Variants in PLEKHA7 observed in about 807,000 individuals in gnomAD.
The protein encoded by PLEKHA7 is pleckstrin homology domain containing A7, also known as pleckstrin homology domain-containing family A member 7.
PLEKHA7 carries 104 observed loss-of-function variants against 170.0 expected under a neutral mutation model. The observed-to-expected ratio is 0.61, with a 90% CI of 0.52 to 0.72. The LOEUF is 0.72. PLEKHA7 is among the 30% of genes least tolerant of loss of function. The pLI is 0.00. For synonymous variants in PLEKHA7, 648 were observed against 660.8 expected (o/e 0.98, Z 0.30); for missense variants, 1,615 against 1,671.7 (o/e 0.97, Z 0.59).
chr11:16,940,650 T>C (rs1860632774), intron 3 of PLEKHA7, among the ~76,000 whole-genome samples: 1 of 151,996 alleles, frequency 6.6e-6, no homozygotes, highest in African/African-American at 2.4e-5. Context: ...CAAGAAATGG[T>C]TCCTTTAAAA....
chr11:16,811,598 T>C (rs975548708), intron 13 of PLEKHA7, among the ~76,000 whole-genome samples: 2 of 152,322 alleles, frequency 1.3e-5, no homozygotes, highest in African/African-American at 4.8e-5. Flanking sequence ...TCCATACAGC[T>C]ATGCTTGAGC....
At chr11:16,860,136 G>A (rs1853819804) in intron 4 of PLEKHA7, among the ~76,000 whole-genome samples, 1 of 152,228 alleles carries the variant, frequency 6.6e-6, no homozygotes, top group Non-Finnish European at 1.5e-5. Flanking sequence ...TCAGTCTGGA[G>A]AAGCCCAGCT....
chr11:16,787,133 C>T (rs1849453997), intron 23 of PLEKHA7: 1 of 985,362 alleles, frequency 1.0e-6, no homozygotes, highest in Admixed American at 6.1e-5. Flanking sequence ...CCATGACTGT[C>T]CAGCTCCGTG....
rs143149436 is a variant in PLEKHA7, at chr11:16,948,345, C to T, written c.221+65644G>A. On this transcript the variant is annotated intron_variant, in intron 3 of 26. Coordinates refer to ENST00000531066, the MANE Select transcript of PLEKHA7 (RefSeq NM_001329630.2). ...GTGTTTGTACCACAGAATAAGTATG[C>T]GAGATATTATATACATTAAATAATA... 1.9e-3 allele frequency among the ~76,000 whole-genome samples: 285 copies of T among 152,092 alleles called. 3 individuals are homozygous for T. The highest frequency in any genetic ancestry group is 0.015 in the Admixed American group (233 of 15,274).
intron 8 of PLEKHA7, among the ~76,000 whole-genome samples, chr11:16,850,174 G>A (rs1268586255): frequency 1.3e-5 from 2 of 152,192 alleles, no homozygotes; most frequent in African/African-American, 4.8e-5. Flanking sequence ...CTCTATCTAT[G>A]GCTGGAAAGC....
At position 16,880,770 on chromosome 11, in the gene PLEKHA7, A is replaced by G. The variant is rs151236797; in HGVS notation, c.222-9588T>C. Reference sequence around the variant, plus strand: ...TAGAAGTTTTCAAACCTGTCCTGTGAAACATTTTTAATCTTAGAACACCCA... The same window carrying G: ...TAGAAGTTTTCAAACCTGTCCTGTGGAACATTTTTAATCTTAGAACACCCA... On this transcript the variant is annotated intron_variant, in intron 3 of 26. Coordinates refer to ENST00000531066, the MANE Select transcript of PLEKHA7 (RefSeq NM_001329630.2). Among the ~76,000 whole-genome samples the G allele has an allele frequency of 4.0e-3, 605 of 152,352 alleles. 5 individuals are homozygous for G. Among genetic ancestry groups the G allele is most frequent in the African/African-American group, 0.013 (520 of 41,586 alleles).
intron 3 of PLEKHA7, among the ~76,000 whole-genome samples, chr11:16,884,651 GAAAAGA>G (rs1324860339): frequency 1.1e-5 from 1 of 90,762 alleles, no homozygotes; most frequent in Non-Finnish European, 2.7e-5. Context: ...GAAAAGAAAA[GAAAAGA>G]AAAAGAAAAA....
chr11:16,976,803 A>G (rs1863094885), intron 3 of PLEKHA7, among the ~76,000 whole-genome samples: 1 of 152,170 alleles, frequency 6.6e-6, no homozygotes, highest in African/African-American at 2.4e-5. Context: ...TTAAAGCCAG[A>G]CCCAAGGCAG....
intron 3 of PLEKHA7, among the ~76,000 whole-genome samples, chr11:16,875,719 C>T (rs1007746934): frequency 1.3e-5 from 2 of 152,086 alleles, no homozygotes; most frequent in South Asian, 4.2e-4. Flanking sequence ...GCTAAGATTA[C>T]AGGTGTGAGC....
intron 3 of PLEKHA7, among the ~76,000 whole-genome samples, chr11:17,012,788 G>C (rs1390305839): frequency 6.6e-6 from 1 of 152,194 alleles, no homozygotes; most frequent in Non-Finnish European, 1.5e-5. Flanking sequence ...GCAAGACTCT[G>C]ATGGCCCCAG....
At chr11:16,916,727 A>G (rs187337530) in intron 3 of PLEKHA7, among the ~76,000 whole-genome samples, 131 of 152,274 alleles carry the variant, frequency 8.6e-4, no homozygotes, top group African/African-American at 3.0e-3. Flanking sequence ...TCTCCCTTGC[A>G]AGGACTGCCA....
intron 3 of PLEKHA7, among the ~76,000 whole-genome samples, chr11:16,947,685 GC>G (rs1861123313): frequency 6.6e-6 from 1 of 151,928 alleles, no homozygotes; most frequent in African/African-American, 2.4e-5. Flanking sequence ...GGAGGCTGAG[GC>G]GGGTGGATTG....
In PLEKHA7 at chr11:16,969,471, A is replaced by C. The variant is rs916506156; in HGVS notation, c.221+44518T>G. Among the ~76,000 whole-genome samples, 8 of 152,186 alleles carry C rather than the reference A, an allele frequency of 5.3e-5. No homozygotes were observed. The East Asian group carries it at 1.5e-3, about 29-fold the overall frequency. ...TCAAGTATGATATTGAGGAAAAGAC[A>C]GATGATGATCCCATGCTATTCTGAG... On this transcript the variant is annotated intron_variant, in intron 3 of 26. Transcript: ENST00000531066.
chr11:16,939,259 A>C (rs916997884), intron 3 of PLEKHA7, among the ~76,000 whole-genome samples: 3 of 152,056 alleles, frequency 2.0e-5, no homozygotes, highest in African/African-American at 7.2e-5. Context: ...CTAAAAATAC[A>C]AAAAATTAGC....
intron 3 of PLEKHA7, among the ~76,000 whole-genome samples, chr11:16,890,161 A>G (rs1280272782): frequency 1.3e-5 from 2 of 152,246 alleles, no homozygotes; most frequent in Non-Finnish European, 1.5e-5. Flanking sequence ...AATTCTAAAC[A>G]TGGAAACAAA....
chr11:16,983,551 C>T (rs1337822283), intron 3 of PLEKHA7, among the ~76,000 whole-genome samples: 1 of 152,152 alleles, frequency 6.6e-6, no homozygotes, highest in Non-Finnish European at 1.5e-5. Context: ...ATTCATAGGG[C>T]TGCTGATGTG....
chr11:16,960,350 T>C (rs1284502129), intron 3 of PLEKHA7, among the ~76,000 whole-genome samples: 1 of 152,186 alleles, frequency 6.6e-6, no homozygotes, highest in Non-Finnish European at 1.5e-5. Flanking sequence ...AAGCCTGAGC[T>C]GGGCCAGGAA....
chr11:16,948,616 A>C (rs140523115), intron 3 of PLEKHA7, among the ~76,000 whole-genome samples: 106 of 144,514 alleles, frequency 7.3e-4, no homozygotes, highest in Non-Finnish European at 1.2e-3. Context: ...CCCCACATGC[A>C]CACACATGTG....
chr11:16,871,156 C>T lies in PLEKHA7; in HGVS notation c.248G>A (p.Arg83Lys). Residue 83 changes from arginine to lysine, a missense_variant, in exon 4 of 27, where the codon AGG (arginine) becomes AAG (lysine). Coordinates refer to ENST00000531066, the MANE Select transcript of PLEKHA7 (RefSeq NM_001329630.2). ...IDHNQQTTAFRHPVTGQFSPE... is the reference protein window; with the variant it reads ...IDHNQQTTAFKHPVTGQFSPE... ...AGAAAACTGTCCCGTCACAGGATGC[C>T]TGAATGCTGTGGTCTGCTGGTTATG... The T allele has an allele frequency of 6.2e-7, 1 of 1,609,758 alleles. No homozygotes were observed. The highest frequency in any genetic ancestry group is 8.5e-7 in the Non-Finnish European group (1 of 1,176,238).
Sources: allele counts gnomAD v4.1 joint callset (sites outside exome capture counted in the v4.1 genomes callset), GRCh38; gene constraint gnomAD v4.1.1; transcripts MANE v1.5; gene names NCBI Gene and HGNC (gene_info 2026-07-23, HGNC 2026-07-21).